Variants in THSD7B observed in about 807,000 individuals in gnomAD.
THSD7B encodes the protein thrombospondin type 1 domain containing 7B, also known as thrombospondin type-1 domain-containing protein 7B.
A neutral mutation model predicts 213.6 loss-of-function variants in THSD7B; 138 were observed. The observed-to-expected ratio is 0.65, with a 90% CI of 0.56 to 0.74. The LOEUF is 0.74. Ranked by LOEUF, THSD7B falls within the 30% of genes least tolerant of loss-of-function variation. THSD7B has a pLI of 0.00. For synonymous variants in THSD7B, 742 were observed against 687.0 expected (o/e 1.08, Z -1.25); for missense variants, 1,931 against 1,991.5 (o/e 0.97, Z 0.58).
intron 7 of THSD7B, among the ~76,000 whole-genome samples, chr2:137,217,654 A>G (rs1379999222): frequency 6.6e-6 from 1 of 152,134 alleles, no homozygotes; most frequent in Non-Finnish European, 1.5e-5. Flanking sequence ...CTAGTCATTT[A>G]AAAATTTCCT....
At chr2:136,987,020 C>T (rs1459795855) in intron 2 of THSD7B, among the ~76,000 whole-genome samples, 1 of 152,146 alleles carries the variant, frequency 6.6e-6, no homozygotes, top group Non-Finnish European at 1.5e-5. Flanking sequence ...AAATTGGACA[C>T]CTACTTTGTG....
chr2:137,016,205 CAT>C (rs1686336902), intron 2 of THSD7B, among the ~76,000 whole-genome samples: 1 of 152,050 alleles, frequency 6.6e-6, no homozygotes, highest in South Asian at 2.1e-4. Flanking sequence ...TGTAAAGTCA[CAT>C]ATGAGGATTC....
chr2:137,654,489 C>A (rs1683197525), intron 21 of THSD7B, among the ~76,000 whole-genome samples: 1 of 152,142 alleles, frequency 6.6e-6, no homozygotes, highest in Non-Finnish European at 1.5e-5. Context: ...GGCCTCCTGC[C>A]AGGATACTGA....
At chr2:137,070,312 C>T (rs1687456097) in intron 3 of THSD7B, among the ~76,000 whole-genome samples, 1 of 151,608 alleles carries the variant, frequency 6.6e-6, no homozygotes, top group Admixed American at 6.6e-5. Flanking sequence ...CATAGTACTT[C>T]ATTGTGTGTG....
chr2:137,554,426 G>A (rs1163678278), intron 15 of THSD7B, among the ~76,000 whole-genome samples: 2 of 152,140 alleles, frequency 1.3e-5, no homozygotes, highest in Non-Finnish European at 2.9e-5. Context: ...ATGACCAGAA[G>A]CATATGTATG....
At chr2:136,927,080 T>G (rs1684546405) in intron 2 of THSD7B, among the ~76,000 whole-genome samples, 2 of 152,214 alleles carry the variant, frequency 1.3e-5, no homozygotes, top group South Asian at 4.1e-4. Context: ...CCTTATGATT[T>G]GTCTTATGCC....
chr2:136,933,400 C>G (rs138860109), intron 2 of THSD7B, among the ~76,000 whole-genome samples: 2,474 of 152,008 alleles, frequency 0.016, 35 homozygotes, highest in Middle Eastern at 0.02. Context: ...CATGGTGAAA[C>G]CCTGCCTCTA....
At chr2:136,960,987 G>A (rs1685207354) in intron 2 of THSD7B, among the ~76,000 whole-genome samples, 1 of 147,572 alleles carries the variant, frequency 6.8e-6, no homozygotes, top group Admixed American at 6.9e-5. Context: ...TACTTGGGAG[G>A]CTGAGGTAGA....
intron 2 of THSD7B, among the ~76,000 whole-genome samples, chr2:136,939,866 C>T (rs1186345158): frequency 1.3e-5 from 2 of 152,046 alleles, no homozygotes; most frequent in Non-Finnish European, 2.9e-5. Flanking sequence ...AACCTCCCTA[C>T]CACCACCCCC....
chr2:136,995,534 A>G (rs1286089932), intron 2 of THSD7B, among the ~76,000 whole-genome samples: 2 of 152,154 alleles, frequency 1.3e-5, no homozygotes, highest in African/African-American at 4.8e-5. Flanking sequence ...TAGTCTGAGT[A>G]GTAAAAAGAA....
chr2:136,957,547 T>A (rs1443102582), intron 2 of THSD7B, among the ~76,000 whole-genome samples: 1 of 152,182 alleles, frequency 6.6e-6, no homozygotes, highest in Admixed American at 6.5e-5. Flanking sequence ...TTTGTGTGAC[T>A]AAAGTATTTC....
intron 2 of THSD7B, among the ~76,000 whole-genome samples, chr2:137,049,034 C>T (rs986565533): frequency 9.2e-5 from 14 of 152,228 alleles, no homozygotes; most frequent in African/African-American, 3.4e-4. Context: ...TTCCACTTCT[C>T]CAGGGAATCC....
At chr2:136,958,909 C>G (rs1685170578) in intron 2 of THSD7B, among the ~76,000 whole-genome samples, 1 of 152,106 alleles carries the variant, frequency 6.6e-6, no homozygotes. Context: ...GTGTGGGAAA[C>G]CACTTCTTGG....
At chr2:136,926,208 T>C (rs527243520) in intron 2 of THSD7B, among the ~76,000 whole-genome samples, 36 of 152,288 alleles carry the variant, frequency 2.4e-4, no homozygotes, top group African/African-American at 8.2e-4. Context: ...CCTATGATTG[T>C]GGTCTCATCT....
intron 1 of THSD7B, among the ~76,000 whole-genome samples, chr2:136,878,582 G>T (rs1247331349): frequency 6.6e-6 from 1 of 151,892 alleles, no homozygotes; most frequent in Non-Finnish European, 1.5e-5. Flanking sequence ...AGCACCTGTT[G>T]TTTCCTGACT....
At chr2:136,997,817 G>A (rs1685922735) in intron 2 of THSD7B, among the ~76,000 whole-genome samples, 1 of 152,090 alleles carries the variant, frequency 6.6e-6, no homozygotes, top group Non-Finnish European at 1.5e-5. Context: ...CCTTCTGGAT[G>A]TACAGAAGGA....
chr2:136,978,769 C>T (rs2104805918), intron 2 of THSD7B, among the ~76,000 whole-genome samples: 1 of 152,160 alleles, frequency 6.6e-6, no homozygotes, highest in African/African-American at 2.4e-5. Flanking sequence ...TTGATTGGGG[C>T]ATTTAGCTCA....
chr2:137,553,737 A>G (rs1680895842), intron 15 of THSD7B, among the ~76,000 whole-genome samples: 1 of 152,090 alleles, frequency 6.6e-6, no homozygotes, highest in Admixed American at 6.6e-5. Context: ...CCCATGGCTC[A>G]TTTCTCTCCC....
chr2:136,934,776 G>A (rs1028597867), intron 2 of THSD7B, among the ~76,000 whole-genome samples: 1 of 152,138 alleles, frequency 6.6e-6, no homozygotes. Flanking sequence ...GCATACTTAA[G>A]TCATTTTAGA....
Sources: gnomAD v4.1 joint callset for allele counts (sites outside exome capture counted in the v4.1 genomes callset) on GRCh38, gnomAD v4.1.1 for gene constraint, MANE v1.5 for transcripts, NCBI Gene and HGNC (gene_info 2026-07-23, HGNC 2026-07-21) for gene names.